TDRD9: variants seen among roughly 807,000 people sequenced by gnomAD.
TDRD9 encodes tudor domain containing 9.
A neutral mutation model predicts 172.6 loss-of-function variants in TDRD9; 124 were observed. That is an observed-to-expected ratio of 0.72 (90% CI 0.62 to 0.83). The LOEUF is 0.83. Among genes scored for constraint, TDRD9 ranks in the 40% least tolerant of loss-of-function variants. The pLI is 0.00. For synonymous variants in TDRD9, 619 were observed against 617.1 expected, an observed-to-expected ratio of 1.00 and a Z score of -0.05; for missense variants, 1,479 against 1,714.1, an observed-to-expected ratio of 0.86 and a Z score of 2.42.
In TDRD9 at chr14:104,026,739, C is replaced by T. The variant is rs1336670479; in HGVS notation, c.3082C>T (p.His1028Tyr). The change falls in exon 28 of 36, where the codon CAC becomes TAC. Residue 1028 changes from histidine to tyrosine, a missense_variant. Around this residue, in one of 3 missense-constraint regions of TDRD9, gnomAD observed 1,413 missense variants for 1,649.1 expected, o/e 0.86. Coordinates refer to ENST00000409874, the MANE Select transcript of TDRD9 (RefSeq NM_153046.3). ...AGCAAAGTCTCTTGTTTGTGGCAAG[C>T]ACTGGAGTGACGGGGCCAGCCAGTG... ...PSAKSLVCGK[H>Y]WSDGASQWFA... 8 of 1,613,902 alleles carry T rather than the reference C, an allele frequency of 5.0e-6. No homozygotes were observed. Among genetic ancestry groups the T allele is most frequent in the Non-Finnish European group, 6.8e-6 (8 of 1,179,906 alleles).
intron 12 of TDRD9, among the ~76,000 whole-genome samples, chr14:103,998,414 C>T (rs186769814): frequency 7.2e-5 from 11 of 152,214 alleles, no homozygotes; most frequent in South Asian, 2.1e-4. Flanking sequence ...ATTCTTTACA[C>T]CTAGAGACTC....
At chr14:104,028,236 G>A (rs965872989) in intron 28 of TDRD9, among the ~76,000 whole-genome samples, 5 of 152,052 alleles carry the variant, frequency 3.3e-5, no homozygotes, top group African/African-American at 4.8e-5. Flanking sequence ...TTGTATGTTC[G>A]TACTGTTTTT....
intron 15 of TDRD9, among the ~76,000 whole-genome samples, chr14:104,005,682 C>T (rs1392066056): frequency 6.6e-6 from 1 of 152,220 alleles, no homozygotes; most frequent in Admixed American, 6.5e-5. Flanking sequence ...CTGACTCATA[C>T]TCTGCTCTTT....
At chr14:103,983,139 T>C (rs1364326589) in intron 7 of TDRD9, among the ~76,000 whole-genome samples, 1 of 147,610 alleles carries the variant, frequency 6.8e-6, no homozygotes, top group Non-Finnish European at 1.5e-5. Flanking sequence ...TCTCAGCTCA[T>C]TGTAACCTCT....
chr14:103,950,650 T>C (rs1363138387), intron 1 of TDRD9, among the ~76,000 whole-genome samples: 2 of 152,192 alleles, frequency 1.3e-5, no homozygotes, highest in Non-Finnish European at 2.9e-5. Flanking sequence ...GTCTAGTAAA[T>C]AATGGACCAG....
At chr14:103,996,299 G>A (rs2034056991) in intron 12 of TDRD9, among the ~76,000 whole-genome samples, 1 of 152,086 alleles carries the variant, frequency 6.6e-6, no homozygotes, top group South Asian at 2.1e-4. Flanking sequence ...CACATGTGTC[G>A]GGCACTGTTC....
intron 12 of TDRD9, among the ~76,000 whole-genome samples, chr14:103,996,366 G>A (rs559952232): frequency 6.6e-6 from 1 of 152,322 alleles, no homozygotes; most frequent in South Asian, 2.1e-4. Flanking sequence ...TGGCTGCTAC[G>A]TTCTGGTGGG....
chr14:103,996,907 G>A lies in TDRD9; in HGVS notation c.1378+1100G>A, dbSNP rs560116279. Among the ~76,000 whole-genome samples the A allele has an allele frequency of 7.9e-5, 12 of 152,162 alleles. No individual in the cohort carries two copies. In the South Asian group the frequency reaches 2.3e-3, roughly 29 times the overall value. ...CCTGAAGGAGGTTAGGGAGGGAGTC[G>A]GGTCCATACCTGGCAAAAGAGTGTT... On this transcript the variant is annotated intron_variant, in intron 12 of 35. Transcript: ENST00000409874.
chr14:103,994,919 C>G (rs571563705), intron 11 of TDRD9, among the ~76,000 whole-genome samples: 3 of 151,126 alleles, frequency 2.0e-5, no homozygotes, highest in Non-Finnish European at 2.9e-5. Context: ...CTGGTGCACT[C>G]CAGCCTGGGT....
intron 32 of TDRD9, among the ~76,000 whole-genome samples, chr14:104,038,146 G>A (rs185000284): frequency 2.1e-3 from 322 of 152,288 alleles, no homozygotes; most frequent in African/African-American, 5.3e-3. Context: ...GCTAAGTCAC[G>A]TGTTGAGGGC....
intron 4 of TDRD9, among the ~76,000 whole-genome samples, chr14:103,965,919 T>C (rs1275559088): frequency 1.3e-5 from 2 of 151,714 alleles, no homozygotes; most frequent in African/African-American, 2.4e-5. Context: ...CACTCCAGCA[T>C]GGGCAACAGA....
At chr14:103,987,984 T>A (rs188126087) in intron 8 of TDRD9, among the ~76,000 whole-genome samples, 1 of 152,362 alleles carries the variant, frequency 6.6e-6, no homozygotes, top group East Asian at 1.9e-4. Context: ...TTCACCCATT[T>A]ATCATTATAA....
chr14:103,951,075 C>T (rs2031848433), intron 1 of TDRD9, among the ~76,000 whole-genome samples: 1 of 152,148 alleles, frequency 6.6e-6, no homozygotes, highest in African/African-American at 2.4e-5. Context: ...ATTTACTGTG[C>T]TATGTGTAAT....
chr14:104,026,970 G>C (rs371897420), intron 28 of TDRD9, 31 bp downstream of exon 28: 1 of 1,606,180 alleles, frequency 6.2e-7, no homozygotes, highest in African/African-American at 1.3e-5. Flanking sequence ...TGGAGCACGC[G>C]TTTGTGTGAG....
intron 13 of TDRD9, among the ~76,000 whole-genome samples, chr14:103,999,858 A>G (rs1254641489): frequency 2.0e-5 from 3 of 152,184 alleles, no homozygotes; most frequent in East Asian, 1.9e-4. Flanking sequence ...TGAAGCAGTT[A>G]GCTGAGAGGC....
intron 1 of TDRD9, among the ~76,000 whole-genome samples, chr14:103,937,936 A>C (rs1321223178): frequency 6.6e-6 from 1 of 151,924 alleles, no homozygotes; most frequent in Non-Finnish European, 1.5e-5. Flanking sequence ...GTGAGCATCC[A>C]AGAGGAGGTG....
chr14:103,989,428 C>T (rs990208447), intron 8 of TDRD9, among the ~76,000 whole-genome samples: 4 of 152,168 alleles, frequency 2.6e-5, no homozygotes, highest in African/African-American at 9.7e-5. Context: ...TTCATGAGTC[C>T]ATTGACTACT....
chr14:103,932,394 T>C (rs924860400), intron 1 of TDRD9, among the ~76,000 whole-genome samples: 16 of 152,232 alleles, frequency 1.1e-4, no homozygotes, highest in African/African-American at 3.9e-4. Context: ...AGGGATGGCT[T>C]TTTTTCTTTT....
At chr14:104,020,585 T>C (rs1208306464) in intron 23 of TDRD9, among the ~76,000 whole-genome samples, 1 of 152,078 alleles carries the variant, frequency 6.6e-6, no homozygotes, top group East Asian at 1.9e-4. Flanking sequence ...GGAAGGAAAA[T>C]GCGTGCATTT....
Sources: gnomAD v4.1 joint callset for allele counts (sites outside exome capture counted in the v4.1 genomes callset) on GRCh38, gnomAD v4.1.1 for gene constraint, gnomAD v4.1.1 regional missense constraint, MANE v1.5 for transcripts, NCBI Gene and HGNC (gene_info 2026-07-23, HGNC 2026-07-21) for gene names.